SLC9A9: variants seen among roughly 807,000 people sequenced by gnomAD.
SLC9A9 encodes the protein sodium/hydrogen exchanger 9.
Under a neutral mutation model 77.8 loss-of-function variants are expected in SLC9A9, and 62 were observed. The ratio of observed to expected loss-of-function variants is 0.80; its 90% CI spans 0.65 to 0.98. The LOEUF is 0.98. Ranked by LOEUF, SLC9A9 falls within the 50% of genes least tolerant of loss-of-function variation. The pLI is 0.00. For synonymous variants in SLC9A9, 320 were observed against 283.5 expected, an observed-to-expected ratio of 1.13 and a Z score of -1.29; for missense variants, 775 against 774.9, an observed-to-expected ratio of 1.00 and a Z score of 0.00.
intron 5 of SLC9A9, among the ~76,000 whole-genome samples, chr3:143,670,058 C>T (rs1449074188): frequency 2.0e-5 from 3 of 152,170 alleles, no homozygotes; most frequent in African/African-American, 7.2e-5. Flanking sequence ...ATGTTAAAAA[C>T]TCTTCTCTAT....
intron 14 of SLC9A9, among the ~76,000 whole-genome samples, chr3:143,296,987 C>A (rs2030299584): frequency 6.6e-6 from 1 of 152,176 alleles, no homozygotes; most frequent in Non-Finnish European, 1.5e-5. Context: ...TCTTTTCCCT[C>A]TGATTGTTTC....
At chr3:143,807,437 A>AT (rs2008750888) in intron 2 of SLC9A9, among the ~76,000 whole-genome samples, 1 of 151,058 alleles carries the variant, frequency 6.6e-6, no homozygotes, top group Non-Finnish European at 1.5e-5. Context: ...CTGGCTTTTA[A>AT]TATATGAAAA....
chr3:143,792,573 C>G (rs2008256013), intron 4 of SLC9A9, among the ~76,000 whole-genome samples: 1 of 152,110 alleles, frequency 6.6e-6, no homozygotes, highest in Admixed American at 6.6e-5. Context: ...TTTCCTCTTC[C>G]TTTGACTTCC....
intron 2 of SLC9A9, among the ~76,000 whole-genome samples, chr3:143,827,100 A>G (rs995332274): frequency 2.0e-5 from 3 of 152,258 alleles, no homozygotes; most frequent in Non-Finnish European, 4.4e-5. Context: ...CTTCTCTTCA[A>G]AACAGGTTTT....
At chr3:143,745,823 A>G (rs942587111) in intron 4 of SLC9A9, among the ~76,000 whole-genome samples, 1 of 152,244 alleles carries the variant, frequency 6.6e-6, no homozygotes, top group African/African-American at 2.4e-5. Flanking sequence ...AGAAAAGATC[A>G]CTTTGGAAAT....
chr3:143,313,766 C>T (rs2031106042), intron 14 of SLC9A9, among the ~76,000 whole-genome samples: 1 of 152,230 alleles, frequency 6.6e-6, no homozygotes, highest in African/African-American at 2.4e-5. Context: ...GCAGCATCTT[C>T]CTCTCTGCCT....
chr3:143,748,808 A>C (rs1345022957), intron 4 of SLC9A9, among the ~76,000 whole-genome samples: 1 of 144,832 alleles, frequency 6.9e-6, no homozygotes, highest in Non-Finnish European at 1.5e-5. Flanking sequence ...GGTTCACGCC[A>C]TTCTCCTGCC....
chr3:143,359,657 A>G (rs769925095), intron 14 of SLC9A9, among the ~76,000 whole-genome samples: 2 of 152,112 alleles, frequency 1.3e-5, no homozygotes, highest in Non-Finnish European at 2.9e-5. Context: ...GAGCCTTCTT[A>G]TGGCTGAAGA....
chr3:143,745,303 ATTT>A (rs1221172701), intron 4 of SLC9A9, among the ~76,000 whole-genome samples: 1 of 152,190 alleles, frequency 6.6e-6, no homozygotes, highest in Non-Finnish European at 1.5e-5. Flanking sequence ...ACTTGCAGAT[ATTT>A]TTATTGATGA....
At chr3:143,510,598 G>A (rs564090452) in intron 9 of SLC9A9, among the ~76,000 whole-genome samples, 13 of 152,046 alleles carry the variant, frequency 8.6e-5, no homozygotes, top group Admixed American at 2.0e-4. Flanking sequence ...TTCTTATTAC[G>A]TCTTCTTGTA....
chr3:143,765,050 T>C (rs778382444), intron 4 of SLC9A9, among the ~76,000 whole-genome samples: 9 of 151,118 alleles, frequency 6.0e-5, no homozygotes, highest in Non-Finnish European at 1.3e-4. Flanking sequence ...TTTCTTTTTC[T>C]TTCTTTCTTT....
intron 6 of SLC9A9, among the ~76,000 whole-genome samples, chr3:143,586,593 T>G (rs951549509): frequency 6.6e-6 from 1 of 152,374 alleles, no homozygotes; most frequent in Admixed American, 6.5e-5. Flanking sequence ...ATTATTTATC[T>G]TTTAATAACT....
chr3:143,307,547 C>T (rs533594341), intron 14 of SLC9A9, among the ~76,000 whole-genome samples: 1 of 152,310 alleles, frequency 6.6e-6, no homozygotes, highest in Non-Finnish European at 1.5e-5. Context: ...AGCCTGCAGG[C>T]TGGGTCTTTG....
At chr3:143,726,043 A>T (rs1448484080) in intron 4 of SLC9A9, among the ~76,000 whole-genome samples, 2 of 152,054 alleles carry the variant, frequency 1.3e-5, no homozygotes, top group Non-Finnish European at 2.9e-5. Flanking sequence ...ATGTATATTT[A>T]CTGTATAATT....
intron 6 of SLC9A9, among the ~76,000 whole-genome samples, chr3:143,609,450 G>A (rs1191986755): frequency 1.3e-5 from 2 of 152,112 alleles, no homozygotes; most frequent in African/African-American, 4.8e-5. Flanking sequence ...TAGTATTTGG[G>A]CAGCAAGCTA....
intron 12 of SLC9A9, among the ~76,000 whole-genome samples, chr3:143,441,406 C>G (rs1309868023): frequency 1.3e-5 from 2 of 152,164 alleles, no homozygotes; most frequent in African/African-American, 4.8e-5. Flanking sequence ...CAGATAAACA[C>G]TTTTAACACA....
intron 12 of SLC9A9, among the ~76,000 whole-genome samples, chr3:143,396,220 C>G (rs549768789): frequency 3.3e-5 from 5 of 152,280 alleles, no homozygotes; most frequent in African/African-American, 1.2e-4. Context: ...TAATGATAGA[C>G]TGGATTAAGA....
rs1222170001 is a variant in SLC9A9 at position 143,848,349 on chromosome 3, A to T, written c.-27T>A. 1.2e-6 allele frequency: 2 copies of T among 1,613,780 alleles called. No individual in the cohort carries two copies. Among genetic ancestry groups the T allele is most frequent in the Middle Eastern group, 1.7e-4 (1 of 6,054 alleles). On this transcript the variant is annotated 5_prime_UTR_variant, in exon 1 of 16. Coordinates refer to ENST00000316549, the MANE Select transcript of SLC9A9 (RefSeq NM_173653.4). ...CCCCAGTCTTCTTGGGATTCCTTAG[A>T]TAAAAACCTGGATAAAGGCTATTTT...
intron 4 of SLC9A9, among the ~76,000 whole-genome samples, chr3:143,745,087 A>G (rs1210174651): frequency 6.6e-6 from 1 of 152,202 alleles, no homozygotes; most frequent in Non-Finnish European, 1.5e-5. Flanking sequence ...CCTTTACACA[A>G]AGGAGCTTTT....
Sources: allele counts gnomAD v4.1 joint callset (sites outside exome capture counted in the v4.1 genomes callset), GRCh38; gene constraint gnomAD v4.1.1; transcripts MANE v1.5; gene names NCBI Gene and HGNC (gene_info 2026-07-23, HGNC 2026-07-21).